The following UTRN variants were observed in gnomAD, a reference collection of about 807,000 sequenced individuals.
UTRN encodes utrophin, also known as dystrophin-related protein 1.
In UTRN, 283 loss-of-function variants were observed where a neutral mutation model predicts 463.9. The ratio of observed to expected loss-of-function variants is 0.61; its 90% confidence interval spans 0.55 to 0.67. The LOEUF (loss-of-function observed/expected upper bound fraction) is 0.67. Among genes scored for constraint, UTRN ranks in the 30% least tolerant of loss-of-function variants. The probability of loss-of-function intolerance (pLI) is 0.00; values close to 1 mark genes in which losing one functional copy is unlikely to be tolerated. For synonymous variants in UTRN, 1,442 were observed against 1,431.5 expected, an observed-to-expected ratio of 1.01 and a Z score of -0.17; for missense variants, 3,922 against 4,084.3, an observed-to-expected ratio of 0.96 and a Z score of 1.08.
chr6:144,541,332 C>T (rs1797960778), intron 45 of UTRN, among the ~76,000 whole-genome samples: 1 of 152,188 alleles, frequency 6.6e-6, no homozygotes, highest in Admixed American at 6.5e-5. Context: ...AAAGGTTGTC[C>T]ATATTCAGTC....
chr6:144,750,043 C>T (rs1436848355), intron 55 of UTRN, among the ~76,000 whole-genome samples: 3 of 152,134 alleles, frequency 2.0e-5, no homozygotes, highest in African/African-American at 7.2e-5. Context: ...AATATTAATG[C>T]ATATAGCTAA....
chr6:144,674,137 T>C (rs1467926051), intron 51 of UTRN, among the ~76,000 whole-genome samples: 1 of 152,188 alleles, frequency 6.6e-6, no homozygotes, highest in East Asian at 1.9e-4. Context: ...ATGATCTTTT[T>C]GTGACGAATT....
intron 52 of UTRN, among the ~76,000 whole-genome samples, chr6:144,682,075 A>G (rs2128686023): frequency 6.6e-6 from 1 of 152,054 alleles, no homozygotes; most frequent in East Asian, 1.9e-4. Context: ...CAAATACTGG[A>G]TCTTATTCAT....
intron 13 of UTRN, among the ~76,000 whole-genome samples, chr6:144,442,939 G>T (rs1787317570): frequency 6.6e-6 from 1 of 152,198 alleles, no homozygotes; most frequent in Admixed American, 6.5e-5. Context: ...GAGGGATGCA[G>T]TGAATTTGCA....
chr6:144,714,568 T>A (rs1025395335), intron 53 of UTRN, among the ~76,000 whole-genome samples: 1 of 152,202 alleles, frequency 6.6e-6, no homozygotes, highest in African/African-American at 2.4e-5. Context: ...ATCTTGAGAT[T>A]CTTAGTAATA....
intron 53 of UTRN, among the ~76,000 whole-genome samples, chr6:144,704,871 A>G (rs1220147010): frequency 6.6e-6 from 1 of 152,138 alleles, no homozygotes; most frequent in African/African-American, 2.4e-5. Flanking sequence ...CTGAAGCAGG[A>G]GAATTGCTGG....
Position 144,474,909 on chromosome 6 carries a change from A to G in UTRN, c.3336+150A>G, listed in dbSNP as rs73780588. The G allele has an allele frequency of 0.18, 135,406 of 773,578 alleles. 14,234 individuals are homozygous for G. The highest frequency in any genetic ancestry group is 0.31 in the South Asian group (11,819 of 37,928). The allele number at this position is 773,578 out of a possible 1,614,324, so 47.9% of individuals were successfully genotyped here. A position where few individuals can be genotyped will look rare whatever the true frequency, so the allele number is the denominator to read the frequency against. Reference sequence around the variant, plus strand: ...GGTAGTGAGCTGGGGCCAAAAAAAAAGGCATCATTTTTTAAATTAAGAGAG... The same window carrying G: ...GGTAGTGAGCTGGGGCCAAAAAAAAGGGCATCATTTTTTAAATTAAGAGAG... On this transcript the variant is annotated intron_variant, in intron 25 of 74. Transcript: ENST00000367545.
chr6:144,451,318 TA>T (rs1788281785), intron 17 of UTRN, 51 bp from the exon 18 acceptor site: 2 of 1,575,478 alleles, frequency 1.3e-6, no homozygotes, highest in Non-Finnish European at 1.7e-6. Flanking sequence ...TGGAGTCAAG[TA>T]AAACAGTAGA....
intron 2 of UTRN, among the ~76,000 whole-genome samples, chr6:144,390,205 A>G (rs1781783591): frequency 6.6e-6 from 1 of 152,158 alleles, no homozygotes; most frequent in Non-Finnish European, 1.5e-5. Flanking sequence ...CACGCTGTAT[A>G]ATAATGATCA....
intron 51 of UTRN, chr6:144,583,258 G>A (rs1585392747): frequency 2.5e-6 from 1 of 392,504 alleles, no homozygotes; most frequent in African/African-American, 2.1e-5. Flanking sequence ...TGCTGCCTGT[G>A]AGCATCTGCT....
At position 144,407,172 on chromosome 6, in the gene UTRN, A is replaced by G. The variant is rs578050772; in HGVS notation, c.141+3988A>G. On this transcript the variant is annotated intron_variant, in intron 3 of 74. Transcript: ENST00000367545. Reference sequence around the variant, plus strand: ...GCCAGCCTTTTTTCCTAGGTTAGACATAAACTCTGTGGGTGCAGGGACTTT... The same window carrying G: ...GCCAGCCTTTTTTCCTAGGTTAGACGTAAACTCTGTGGGTGCAGGGACTTT... 3.3e-5 allele frequency among the ~76,000 whole-genome samples: 5 copies of G among 152,262 alleles called. No individual in the cohort carries two copies. In the South Asian group the frequency reaches 1.0e-3, roughly 32 times the overall value.
At chr6:144,779,579 G>C (rs540127980) in intron 60 of UTRN, among the ~76,000 whole-genome samples, 4 of 152,096 alleles carry the variant, frequency 2.6e-5, no homozygotes, top group African/African-American at 9.7e-5. Context: ...TTAATCTGAG[G>C]GGGAGGAAGA....
At chr6:144,444,039 T>C (rs1787422381) in intron 13 of UTRN, among the ~76,000 whole-genome samples, 1 of 152,226 alleles carries the variant, frequency 6.6e-6, no homozygotes, top group Admixed American at 6.5e-5. Context: ...ATTCAGAGGA[T>C]ACAGTTCTAT....
intron 54 of UTRN, among the ~76,000 whole-genome samples, chr6:144,735,458 G>A (rs1233431667): frequency 6.6e-6 from 1 of 152,178 alleles, no homozygotes; most frequent in Non-Finnish European, 1.5e-5. Flanking sequence ...ATGGGGATGA[G>A]ATGGTTGTAT....
chr6:144,507,025 T>C (rs1794744794), intron 34 of UTRN, among the ~76,000 whole-genome samples: 1 of 152,048 alleles, frequency 6.6e-6, no homozygotes, highest in South Asian at 2.1e-4. Flanking sequence ...ATCTTCAATC[T>C]CTGATATGCT....
Position 144,474,632 on chromosome 6 carries a change from A to G in UTRN, c.3209A>G (p.Glu1070Gly). ...SAFVNEIETI[E>G]SSLKNMKEIE... ...TTTGTTAATGAAATAGAAACAATTG[A>G]ATCATCTCTGAAAAACATGAAGGAA... The change falls in exon 25 of 75, where the codon GAA (glutamate) becomes GGA (glycine). Residue 1070 changes from glutamate to glycine, a missense_variant. Physicochemically the swap from Glu to Gly is moderately conservative, Grantham distance 98. Around this residue, in one of 3 missense-constraint regions of UTRN, gnomAD observed 2,349 missense variants for 2,303.8 expected, o/e 1.02. Coordinates refer to ENST00000367545, the MANE Select transcript of UTRN (RefSeq NM_007124.3). 6.2e-7 allele frequency: 1 copy of G among 1,613,474 alleles called. No homozygotes were observed. The highest frequency in any genetic ancestry group is 8.5e-7 in the Non-Finnish European group (1 of 1,179,818).
Position 144,554,898 on chromosome 6 carries a change from G to T in UTRN, c.7134+5G>T. The T allele has an allele frequency of 1.2e-6, 2 of 1,613,672 alleles. No individual in the cohort carries two copies. Among genetic ancestry groups the T allele is most frequent in the South Asian group, 2.2e-5 (2 of 90,942 alleles). The stretch of plus-strand genomic sequence containing the variant: ...AAACAAATTTCTGATAACCAAGTAA[G>T]ACTCATCAGATATTTTTTGGCAGTA... On this transcript the variant is annotated splice_donor_5th_base_variant and intron_variant, in intron 49 of 74. Coordinates refer to ENST00000367545, the MANE Select transcript of UTRN (RefSeq NM_007124.3).
At chr6:144,662,162 A>T (rs1779935167) in intron 51 of UTRN, among the ~76,000 whole-genome samples, 1 of 152,162 alleles carries the variant, frequency 6.6e-6, no homozygotes, top group African/African-American at 2.4e-5. Context: ...GCCGTATTTT[A>T]CTTCTAGGAA....
chr6:144,810,715 G>C (rs1562938734), intron 65 of UTRN, among the ~76,000 whole-genome samples: 2 of 152,134 alleles, frequency 1.3e-5, no homozygotes, highest in East Asian at 3.9e-4. Flanking sequence ...TAGCTTGAAA[G>C]GTCAACAGCA....
Sources: allele counts gnomAD v4.1 joint callset (sites outside exome capture counted in the v4.1 genomes callset), GRCh38; gene constraint gnomAD v4.1.1; regional missense constraint gnomAD v4.1.1; transcripts MANE v1.5; gene names NCBI Gene and HGNC (gene_info 2026-07-23, HGNC 2026-07-21).